The following MICALL2 variants were observed in gnomAD, a reference collection of about 807,000 sequenced individuals.
The protein encoded by MICALL2 is MICAL like 2, also known as MICAL-like protein 2.
A neutral mutation model predicts 91.1 loss-of-function variants in MICALL2; 111 were observed. The observed-to-expected ratio is 1.22, with a 90% confidence interval of 1.04 to 1.43. The LOEUF is 1.43. MICALL2 is among the 40% of genes most tolerant of loss of function. The pLI is 0.00. For missense variants in MICALL2, 1,556 were observed against 1,236.0 expected (o/e 1.26, Z -3.88); for synonymous variants, 694 against 525.3 (o/e 1.32, Z -4.39).
chr7:1,456,330 C>G (rs1390973053), intron 1 of MICALL2, among the ~76,000 whole-genome samples: 1 of 152,160 alleles, frequency 6.6e-6, no homozygotes, highest in Non-Finnish European at 1.5e-5. Flanking sequence ...GCCCATAACC[C>G]CAGAACTTTG....
At position 1,436,699 on chromosome 7, in the gene MICALL2, G is replaced by A. The variant is rs142218872; in HGVS notation, c.2591+43C>T. The A allele has an allele frequency of 1.1e-3, 1,638 of 1,489,470 alleles. 10 individuals are homozygous for A. The African/African-American group carries it at 0.02, about 18-fold the overall frequency. 92.3% of individuals were successfully genotyped at this position (1,489,470 alleles called of 1,614,324 possible). A position where few individuals can be genotyped will look rare whatever the true frequency, so the allele number is the denominator to read the frequency against. On this transcript the variant is annotated intron_variant, in intron 15 of 16. Transcript: ENST00000297508. ...TGAGGGCCGGGAGCATGGACCAGGCGACCTGGCCTGGCTGGGAGGGGCCCC... is the reference window on the plus strand; with the variant it reads ...TGAGGGCCGGGAGCATGGACCAGGCAACCTGGCCTGGCTGGGAGGGGCCCC...
intron 14 of MICALL2, 87 bp downstream of exon 14, chr7:1,437,448 G>T: frequency 8.1e-7 from 1 of 1,233,302 alleles, no homozygotes; most frequent in Non-Finnish European, 1.1e-6. Flanking sequence ...AGGACAGTCA[G>T]GTGGCCTCAC....
In MICALL2 at chr7:1,439,694, T is replaced by C. The variant is rs192486734; in HGVS notation, c.1966+231A>G. On this transcript the variant is annotated intron_variant, in intron 9 of 16. Coordinates refer to ENST00000297508, the MANE Select transcript of MICALL2 (RefSeq NM_182924.4). Reference sequence around the variant, plus strand: ...ACACAGATGTACACATGCGCACACATGCATCACGCATGGATACAGGCATCA... The same window carrying C: ...ACACAGATGTACACATGCGCACACACGCATCACGCATGGATACAGGCATCA... 1.7e-4 allele frequency: 74 copies of C among 425,204 alleles called. No individual in the cohort carries two copies. The Admixed American group carries it at 2.1e-3, about 12-fold the overall frequency. The allele number at this position is 425,204 out of a possible 1,614,324, so 26.3% of individuals were successfully genotyped here. A position where few individuals can be genotyped will look rare whatever the true frequency, so the allele number is the denominator to read the frequency against.
chr7:1,437,052 G>C, intron 14 of MICALL2, 196 bp from the exon 15 acceptor site: 1 of 506,520 alleles, frequency 2.0e-6, no homozygotes, highest in South Asian at 3.0e-5. Context: ...CGTGTGCTGG[G>C]ATCCTTCCCC....
intron 7 of MICALL2, chr7:1,441,939 C>T (rs1295648192): frequency 3.6e-6 from 2 of 556,878 alleles, no homozygotes; most frequent in Admixed American, 3.3e-5. Flanking sequence ...GCTGCAGGCA[C>T]CTGCAGGACG....
Position 1,445,235 on chromosome 7 carries a change from C to T in MICALL2, c.835G>A (p.Ala279Thr), listed in dbSNP as rs1039138436. The change falls in exon 6 of 17, where the codon GCA becomes ACA. Residue 279 changes from alanine (A) to threonine (T), a missense_variant. Coordinates refer to ENST00000297508, the MANE Select transcript of MICALL2 (RefSeq NM_182924.4). ...CAGGCCGACGGTCTGGCCTTGTTTG[C>T]CTCCTGGGCCTTCTGTGGGGAACAG... is the stretch of plus-strand genomic sequence containing the variant. ...TSCSPQKAQE[A>T]NKARPSAWEP... 1 of 1,611,566 alleles carries T rather than the reference C, an allele frequency of 6.2e-7. No homozygotes were observed. Among genetic ancestry groups the T allele is most frequent in the African/African-American group, 1.3e-5 (1 of 74,920 alleles).
At chr7:1,445,948 G>T (rs958591526) in intron 5 of MICALL2, among the ~76,000 whole-genome samples, 2 of 151,392 alleles carry the variant, frequency 1.3e-5, no homozygotes, top group African/African-American at 4.9e-5. Flanking sequence ...TACAACACCA[G>T]TGGGAAGGGC....
At chr7:1,435,001 C>CCCCCCCGGG in intron 16 of MICALL2, 100 bp downstream of exon 16, 7 of 732,138 alleles carry the variant, frequency 9.6e-6, no homozygotes, top group South Asian at 1.9e-5. Flanking sequence ...CCCCCACCCC[C>CCCCCCCGGG]AGCTGGAGGC....
chr7:1,439,869 C>G (rs1780196008), intron 9 of MICALL2, 56 bp downstream of exon 9: 1 of 1,374,010 alleles, frequency 7.3e-7, no homozygotes, highest in Non-Finnish European at 9.4e-7. Context: ...GGCCCCCACC[C>G]AAGGGGGAGG....
At chr7:1,437,696 CCA>C in intron 13 of MICALL2, 88 bp from the exon 14 acceptor site, 1 of 1,384,934 alleles carries the variant, frequency 7.2e-7, no homozygotes, top group Non-Finnish European at 9.9e-7. Context: ...CCTGGACCTG[CCA>C]CACAGACACG....
At chr7:1,456,666 G>C (rs1021797295) in intron 1 of MICALL2, among the ~76,000 whole-genome samples, 6 of 152,120 alleles carry the variant, frequency 3.9e-5, no homozygotes, top group Admixed American at 3.9e-4. Flanking sequence ...AGCTACTCGG[G>C]AGGTTGAGGT....
chr7:1,456,398 C>T (rs1781018299), intron 1 of MICALL2, among the ~76,000 whole-genome samples: 1 of 152,090 alleles, frequency 6.6e-6, no homozygotes, highest in African/African-American at 2.4e-5. Context: ...CCAGCCTGGC[C>T]AACATGGCAA....
rs778253235 is a variant in MICALL2, at chr7:1,440,046, C to G, written c.1845G>C (p.Pro615=). ...CCTTCCTGGGGGCCTCCCCCGCCCTCGGCTCTGCCAGGGCCCGTGGTTCCT... is the reference window on the plus strand; with the variant it reads ...CCTTCCTGGGGGCCTCCCCCGCCCTGGGCTCTGCCAGGGCCCGTGGTTCCT... ...KPKEPRALAE[P]RAGEAPRKVS... is the part of the protein sequence containing the mutation. The change falls in exon 9 of 17, where the codon CCG becomes CCC. Residue 615 remains proline, a synonymous_variant. Transcript: ENST00000297508. 10 of 1,584,240 alleles carry G rather than the reference C, an allele frequency of 6.3e-6. No individual in the cohort carries two copies. The highest frequency in any genetic ancestry group is 2.3e-5 in the South Asian group (2 of 86,696).
chr7:1,455,166 C>G (rs890800541), intron 1 of MICALL2, among the ~76,000 whole-genome samples: 2 of 152,230 alleles, frequency 1.3e-5, no homozygotes, highest in African/African-American at 4.8e-5. Context: ...CACGCTGTGC[C>G]CCCTGCCCCA....
At chr7:1,435,837 G>A (rs1458742408) in intron 15 of MICALL2, among the ~76,000 whole-genome samples, 3 of 150,946 alleles carry the variant, frequency 2.0e-5, no homozygotes, top group African/African-American at 7.3e-5. Context: ...GGCGGATCAC[G>A]AGGTCAGATC....
At position 1,459,276 on chromosome 7, in the gene MICALL2, G is replaced by A; in HGVS notation, c.51C>T (p.Gly17=). ...LQQWCRQQCE[G]YRDVNICNMT... The stretch of plus-strand genomic sequence containing the variant: ...TGTTGCAGATATTCACGTCGCGGTA[G>A]CCCTCGCACTGCTGCCGGCACCACT... The change falls in exon 1 of 17, where the codon GGC becomes GGT. Residue 17 remains glycine (G), a synonymous_variant. Coordinates refer to ENST00000297508, the MANE Select transcript of MICALL2 (RefSeq NM_182924.4). 1 of 1,606,522 alleles carries A rather than the reference G, an allele frequency of 6.2e-7. No individual in the cohort carries two copies. Among genetic ancestry groups the A allele is most frequent in the Non-Finnish European group, 8.5e-7 (1 of 1,177,340 alleles).
At position 1,444,756 on chromosome 7, in the gene MICALL2, G is replaced by T. The variant is rs574887794; in HGVS notation, c.1314C>A (p.Thr438=). 5 of 1,612,320 alleles carry T rather than the reference G, an allele frequency of 3.1e-6. No homozygotes were observed. The East Asian group carries it at 1.1e-4, about 36-fold the overall frequency. ...TGTCCTTGGATAGAACAAGTGACGG[G>T]GTGGGACCTCTGCCAGAAAGGCTGG... ...PGTSLSGRGP[T]PSLVLSKDSS... Residue 438 remains threonine (T), a synonymous_variant, in exon 6 of 17, where the codon ACC becomes ACA. Coordinates refer to ENST00000297508, the MANE Select transcript of MICALL2 (RefSeq NM_182924.4).
chr7:1,442,735 G>A (rs948354331), intron 6 of MICALL2, among the ~76,000 whole-genome samples: 4 of 151,974 alleles, frequency 2.6e-5, no homozygotes, highest in African/African-American at 9.7e-5. Context: ...CCCTGGCAAG[G>A]CACAGGCCAC....
intron 14 of MICALL2, 119 bp from the exon 15 acceptor site, chr7:1,436,975 G>A: frequency 3.0e-6 from 2 of 668,918 alleles, no homozygotes; most frequent in Non-Finnish European, 4.8e-6. Flanking sequence ...GTGGGGTCTT[G>A]GGGGGATCCG....
Sources: gnomAD v4.1 joint callset for allele counts (sites outside exome capture counted in the v4.1 genomes callset) on GRCh38, gnomAD v4.1.1 for gene constraint, MANE v1.5 for transcripts, NCBI Gene and HGNC (gene_info 2026-07-23, HGNC 2026-07-21) for gene names.